PHEX: variants seen among roughly 807,000 people sequenced by gnomAD.
PHEX encodes the protein phosphate-regulating neutral endopeptidase PHEX.
Under a neutral mutation model 68.0 loss-of-function variants are expected in PHEX, and 16 were observed. The observed-to-expected ratio is 0.24, with a 90% CI of 0.16 to 0.36. The LOEUF (loss-of-function observed/expected upper bound fraction) is 0.36. Ranked by LOEUF, PHEX falls within the 10% of genes least tolerant of loss-of-function variation. The pLI is 1.00. For missense variants in PHEX, 480 were observed against 575.5 expected, an observed-to-expected ratio of 0.83 and a Z score of 1.70; for synonymous variants, 208 against 205.1, an observed-to-expected ratio of 1.01 and a Z score of -0.12.
chrX:22,192,656 G>A (rs1301591204), intron 15 of PHEX, among the ~76,000 whole-genome samples: 1 of 111,731 alleles, frequency 9.0e-6, no homozygotes, highest in Non-Finnish European at 1.9e-5. Context: ...GCTTTCTCTT[G>A]GAAAACTTCC....
intron 20 of PHEX, among the ~76,000 whole-genome samples, chrX:22,230,910 G>A (rs1363675518): frequency 9.0e-6 from 1 of 111,609 alleles, no homozygotes; most frequent in African/African-American, 3.3e-5. Flanking sequence ...TATTAGCTGT[G>A]GGTTTGTCAT....
chrX:22,092,454 C>T (rs1236458550), intron 6 of PHEX, among the ~76,000 whole-genome samples: 1 of 111,183 alleles, frequency 9.0e-6, no homozygotes, highest in Non-Finnish European at 1.9e-5. Flanking sequence ...CTCATTGCAA[C>T]CTCTGCCTCC....
chrX:22,216,707 A>G (rs1016171220), intron 16 of PHEX, among the ~76,000 whole-genome samples: 3 of 108,962 alleles, frequency 2.8e-5, no homozygotes, highest in Non-Finnish European at 5.7e-5. Context: ...TTTAATAGAC[A>G]TGGGGTTTCT....
At chrX:22,131,139 C>A (rs1304055117) in intron 11 of PHEX, among the ~76,000 whole-genome samples, 1 of 110,659 alleles carries the variant, frequency 9.0e-6, no homozygotes, top group African/African-American at 3.3e-5. Context: ...TCCCGAGTTC[C>A]AGTGATTCTC....
chrX:22,150,261 T>A (rs1310218333), intron 12 of PHEX, among the ~76,000 whole-genome samples: 2 of 112,463 alleles, frequency 1.8e-5, no homozygotes, highest in Non-Finnish European at 3.8e-5. Context: ...GGGACTTGGT[T>A]AAAAATGCAG....
intron 2 of PHEX, among the ~76,000 whole-genome samples, chrX:22,041,476 C>T (rs1230092506): frequency 9.2e-6 from 1 of 108,429 alleles, no homozygotes; most frequent in Non-Finnish European, 1.9e-5. Context: ...AGCTGGACTT[C>T]GTGTCCATGT....
rs144179340 is a variant in PHEX at position 22,100,196 on chromosome X, G to C, written c.1079+1045G>C. Among the ~76,000 whole-genome samples, 940 of 111,959 alleles carry C rather than the reference G, an allele frequency of 8.4e-3. 14 individuals are homozygous for C. Among genetic ancestry groups the C allele is most frequent in the African/African-American group, 0.028 (875 of 30,825 alleles). On this transcript the variant is annotated intron_variant, in intron 9 of 21. Transcript: ENST00000379374. The stretch of plus-strand genomic sequence containing the variant: ...TTGCAGGGTAGAGCCTTGCTCCATG[G>C]ACCAGGAATGTCAGCAGCATCACCT...
At chrX:22,246,215 G>A (rs1295605447) in intron 21 of PHEX, among the ~76,000 whole-genome samples, 1 of 111,686 alleles carries the variant, frequency 9.0e-6, no homozygotes, top group East Asian at 2.8e-4. Flanking sequence ...CGGTCGTACA[G>A]GTTGACAGAA....
intron 3 of PHEX, among the ~76,000 whole-genome samples, chrX:22,057,604 A>G (rs981303330): frequency 1.8e-5 from 2 of 110,689 alleles, no homozygotes; most frequent in African/African-American, 6.6e-5. Context: ...GAAAAAAAAA[A>G]GAAAGTCCCC....
intron 10 of PHEX, 50 bp from the exon 11 acceptor site, chrX:22,114,408 C>G (rs1931137520): frequency 6.0e-6 from 7 of 1,164,044 alleles, no homozygotes; most frequent in Non-Finnish European, 8.2e-6. Flanking sequence ...TGTTTTCAGC[C>G]ATGGGTTTTA....
rs113550388 is a variant in PHEX, at chrX:22,120,398, G to A, written c.1302+5812G>A. Among the ~76,000 whole-genome samples the A allele has an allele frequency of 4.8e-4, 54 of 111,431 alleles. 1 individual carries two copies. Among genetic ancestry groups the A allele is most frequent in the African/African-American group, 1.8e-3 (54 of 30,656 alleles). On this transcript the variant is annotated intron_variant, in intron 11 of 21. Coordinates refer to ENST00000379374, the MANE Select transcript of PHEX (RefSeq NM_000444.6). ...TGAGGAGACCAGAACCTTCTTAGTG[G>A]CTTATCTTATAATTACCCTTGTTAG... is the stretch of plus-strand genomic sequence containing the variant.
chrX:22,243,470 G>T (rs1192680706), intron 20 of PHEX, among the ~76,000 whole-genome samples: 1 of 111,950 alleles, frequency 8.9e-6, no homozygotes, highest in African/African-American at 3.3e-5. Flanking sequence ...CACAGCAAAA[G>T]AAACTATCAT....
At chrX:22,143,192 A>G (rs1932539825) in intron 12 of PHEX, among the ~76,000 whole-genome samples, 1 of 112,361 alleles carries the variant, frequency 8.9e-6, no homozygotes, top group African/African-American at 3.2e-5. Flanking sequence ...TCTCAATTAG[A>G]TAGAAGAAAT....
chrX:22,036,762 C>G (rs1433377034), intron 1 of PHEX, among the ~76,000 whole-genome samples: 2 of 102,863 alleles, frequency 1.9e-5, no homozygotes, highest in Non-Finnish European at 4.0e-5. Flanking sequence ...ATACAGAAAT[C>G]AAAACACACC....
In PHEX at chrX:22,108,898, C is replaced by T. The variant is rs183240705; in HGVS notation, c.1080-2569C>T. ...CAGAGGTTGCAGTGAGTGGAGATCG[C>T]GCCATTGCACTCCAGCTTGGGCGAC... On this transcript the variant is annotated intron_variant, in intron 9 of 21. Transcript: ENST00000379374. 6.3e-4 allele frequency among the ~76,000 whole-genome samples: 66 copies of T among 105,277 alleles called. No individual in the cohort carries two copies. In the East Asian group the frequency reaches 0.015, roughly 23 times the overall value. 91.4% of individuals were successfully genotyped at this position (105,277 alleles called of 115,157 possible). A position where few individuals can be genotyped will look rare whatever the true frequency, so the allele number is the denominator to read the frequency against.
chrX:22,099,748 G>T (rs1930334914), intron 9 of PHEX, among the ~76,000 whole-genome samples: 1 of 110,996 alleles, frequency 9.0e-6, no homozygotes, highest in African/African-American at 3.4e-5. Context: ...GAATTTTACA[G>T]GTTCCTTAAG....
chrX:22,032,943 T>G lies in PHEX; in HGVS notation c.-63T>G. 3 of 868,847 alleles carry G rather than the reference T, an allele frequency of 3.5e-6. No individual in the cohort carries two copies. Among genetic ancestry groups the G allele is most frequent in the Non-Finnish European group, 5.1e-6 (3 of 582,900 alleles). 71.6% of individuals were successfully genotyped at this position (868,847 alleles called of 1,213,427 possible). ...GCCTTGGATGTCAACGCCTCGCTCTTGAGACCAGCCACCAAACCACGAAAA... is the reference window on the plus strand; with the variant it reads ...GCCTTGGATGTCAACGCCTCGCTCTGGAGACCAGCCACCAAACCACGAAAA... On this transcript the variant is annotated 5_prime_UTR_variant, in exon 1 of 22. It removes the in-frame stop codon of an upstream open reading frame in the 5' UTR. Transcript: ENST00000379374.
intron 12 of PHEX, among the ~76,000 whole-genome samples, chrX:22,158,260 C>T (rs1933009906): frequency 9.0e-6 from 1 of 111,658 alleles, no homozygotes; most frequent in African/African-American, 3.3e-5. Context: ...GTGCTTAAAG[C>T]TCAGAATTTT....
chrX:22,139,508 C>T lies in PHEX; in HGVS notation c.1404+5884C>T, dbSNP rs959908243. 3.6e-5 allele frequency among the ~76,000 whole-genome samples: 4 copies of T among 111,076 alleles called. No homozygotes were observed. The East Asian group carries it at 8.4e-4, about 23-fold the overall frequency. On this transcript the variant is annotated intron_variant, in intron 12 of 21. Transcript: ENST00000379374. ...TTTATTTTTTCGAGTTAAAGTCTCG[C>T]TCTGTTGCCCAGGCTGGAGTGCAGT...
Sources: allele counts gnomAD v4.1 joint callset (sites outside exome capture counted in the v4.1 genomes callset), GRCh38; gene constraint gnomAD v4.1.1; transcripts MANE v1.5; gene names NCBI Gene and HGNC (gene_info 2026-07-23, HGNC 2026-07-21).